The following WDPCP variants were observed in gnomAD, a reference collection of about 807,000 sequenced individuals.
WDPCP encodes the protein WD repeat containing planar cell polarity effector.
WDPCP carries 71 observed loss-of-function variants against 93.1 expected under a neutral mutation model. The observed-to-expected ratio is 0.76, with a 90% CI of 0.63 to 0.93. The LOEUF is 0.93. WDPCP is among the 40% of genes least tolerant of loss of function. WDPCP has a pLI of 0.00. For missense variants in WDPCP, 844 were observed against 887.4 expected, an observed-to-expected ratio of 0.95 and a Z score of 0.62; for synonymous variants, 315 against 315.0, an observed-to-expected ratio of 1.00 and a Z score of 0.00.
intron 9 of WDPCP, among the ~76,000 whole-genome samples, chr2:63,414,766 TG>T (rs1398958032): frequency 6.6e-6 from 1 of 152,158 alleles, no homozygotes; most frequent in African/African-American, 2.4e-5. Flanking sequence ...ACTACAAATA[TG>T]GTGCAGTGTA....
rs1419336341 is a variant in WDPCP, at chr2:63,543,927, A to G, written c.75+44270T>C. ...TTTTTGTTGTCGTATTTTCTTTTAT[A>G]TTTTATGTACTTTATTTGTACTCTG... On this transcript the variant is annotated intron_variant, in intron 1 of 17. Coordinates refer to ENST00000272321, the MANE Select transcript of WDPCP (RefSeq NM_015910.7). 2.0e-5 allele frequency among the ~76,000 whole-genome samples: 3 copies of G among 152,056 alleles called. No individual in the cohort carries two copies. The East Asian group carries it at 5.8e-4, about 29-fold the overall frequency.
intron 1 of WDPCP, among the ~76,000 whole-genome samples, chr2:63,580,932 T>C (rs1489020603): frequency 6.6e-6 from 1 of 152,124 alleles, no homozygotes; most frequent in Non-Finnish European, 1.5e-5. Flanking sequence ...ATCAAGGGGA[T>C]AGTGTGGTGG....
intron 13 of WDPCP, among the ~76,000 whole-genome samples, chr2:63,277,044 T>C (rs964022061): frequency 6.6e-6 from 1 of 152,146 alleles, no homozygotes; most frequent in Non-Finnish European, 1.5e-5. Context: ...AGAAACCCTA[T>C]AAGCTAAAAG....
chr2:63,739,269 C>T (rs936854696), intron 2 of WDPCP, among the ~76,000 whole-genome samples: 2 of 152,092 alleles, frequency 1.3e-5, no homozygotes, highest in African/African-American at 4.8e-5. Flanking sequence ...TAAGTAAGAA[C>T]ATGTGGTATT....
chr2:63,375,970 A>G (rs952204158), intron 12 of WDPCP, among the ~76,000 whole-genome samples: 9 of 151,910 alleles, frequency 5.9e-5, no homozygotes, highest in Non-Finnish European at 1.3e-4. Flanking sequence ...TCCATTGTCT[A>G]ATATGGTTTC....
At chr2:63,305,005 C>A (rs1196870769) in intron 13 of WDPCP, among the ~76,000 whole-genome samples, 1 of 152,134 alleles carries the variant, frequency 6.6e-6, no homozygotes, top group African/African-American at 2.4e-5. Flanking sequence ...AAGAGCCCAC[C>A]ACAGATCAGC....
intron 13 of WDPCP, among the ~76,000 whole-genome samples, chr2:63,288,335 G>T (rs1684160910): frequency 6.6e-6 from 1 of 152,186 alleles, no homozygotes; most frequent in South Asian, 2.1e-4. Flanking sequence ...AGCTTTTATG[G>T]CACAGTAATA....
chr2:63,676,572 C>T (rs977954356), intron 2 of WDPCP, among the ~76,000 whole-genome samples: 2 of 149,130 alleles, frequency 1.3e-5, no homozygotes, highest in African/African-American at 4.9e-5. Context: ...GAACCAAAAA[C>T]AAAAAAAAAG....
Position 63,434,877 on chromosome 2 carries a change from A to G in WDPCP, c.634-941T>C, listed in dbSNP as rs1575415513. Among the ~76,000 whole-genome samples the G allele has an allele frequency of 3.9e-5, 6 of 152,242 alleles. No homozygotes were observed. In the East Asian group the frequency reaches 1.2e-3, roughly 29 times the overall value. On this transcript the variant is annotated intron_variant, in intron 8 of 17. Transcript: ENST00000272321. ...AGTAATGCGATAATGCCAGAGTGCA[A>G]CGGGTGTTAAGAACCCGTTGCATTT...
chr2:63,470,681 C>G (rs1475724199), intron 6 of WDPCP, among the ~76,000 whole-genome samples: 1 of 152,206 alleles, frequency 6.6e-6, no homozygotes, highest in Non-Finnish European at 1.5e-5. Flanking sequence ...TAAATTGAAA[C>G]ATATTTCTCC....
At chr2:63,128,197 CA>C (rs2153397894) in intron 17 of WDPCP, among the ~76,000 whole-genome samples, 1 of 152,046 alleles carries the variant, frequency 6.6e-6, no homozygotes, top group Admixed American at 6.6e-5. Context: ...ATGAATAGTA[CA>C]AACAAGACAA....
At chr2:63,158,066 C>G (rs1672380540) in intron 15 of WDPCP, among the ~76,000 whole-genome samples, 1 of 151,678 alleles carries the variant, frequency 6.6e-6, no homozygotes, top group Non-Finnish European at 1.5e-5. Flanking sequence ...TCCTTAAGAC[C>G]ATCTCTTTGA....
intron 10 of WDPCP, among the ~76,000 whole-genome samples, chr2:63,403,264 G>T (rs1395123680): frequency 2.0e-5 from 3 of 152,060 alleles, no homozygotes; most frequent in Non-Finnish European, 4.4e-5. Context: ...AGACACTGGG[G>T]TCTACTTGAG....
At chr2:63,404,698 T>G (rs1227783469) in intron 9 of WDPCP, 41 bp from the exon 10 acceptor site, 1 of 1,611,090 alleles carries the variant, frequency 6.2e-7, no homozygotes. Flanking sequence ...TAAACTTTGG[T>G]TTTTCTTCAA....
intron 14 of WDPCP, among the ~76,000 whole-genome samples, chr2:63,194,848 A>G (rs971595524): frequency 1.3e-5 from 2 of 152,162 alleles, no homozygotes; most frequent in African/African-American, 4.8e-5. Context: ...ACAAGATCAG[A>G]TTTCAGTTTT....
At chr2:63,163,860 C>T (rs1449019543) in intron 15 of WDPCP, among the ~76,000 whole-genome samples, 1 of 152,046 alleles carries the variant, frequency 6.6e-6, no homozygotes, top group African/African-American at 2.4e-5. Context: ...CTGAATAGAT[C>T]AGTATTTTTG....
chr2:63,480,095 T>C (rs924234306), intron 6 of WDPCP, among the ~76,000 whole-genome samples: 2 of 151,804 alleles, frequency 1.3e-5, no homozygotes, highest in Non-Finnish European at 2.9e-5. Context: ...GCCCAACAGC[T>C]ACCAAGCTGA....
In WDPCP at chr2:63,145,607, C is replaced by G. The variant is rs148819324; in HGVS notation, c.2190+7307G>C. Among the ~76,000 whole-genome samples the G allele has an allele frequency of 8.1e-4, 123 of 152,240 alleles. 3 individuals are homozygous for G. The East Asian group carries it at 0.022, about 27-fold the overall frequency. On this transcript the variant is annotated intron_variant, in intron 17 of 17. Transcript: ENST00000272321. ...AAGGGCCTGTCTCACTCCCACCATG[C>G]CCCCCAACAACAGTCCTGAGTCTTT...
chr2:63,613,597 GA>G (rs1214226806), intron 3 of WDPCP, among the ~76,000 whole-genome samples: 3 of 152,246 alleles, frequency 2.0e-5, no homozygotes, highest in African/African-American at 7.2e-5. Context: ...AGAAGCAAAG[GA>G]AAGTCCAAGG....
Sources: gnomAD v4.1 joint callset for allele counts (sites outside exome capture counted in the v4.1 genomes callset) on GRCh38, gnomAD v4.1.1 for gene constraint, MANE v1.5 for transcripts, NCBI Gene and HGNC (gene_info 2026-07-23, HGNC 2026-07-21) for gene names.